The following RIMBP2 variants were observed in gnomAD, a reference collection of about 807,000 sequenced individuals.
RIMBP2 encodes RIMS-binding protein 2.
In RIMBP2, 48 loss-of-function variants were observed where a neutral mutation model predicts 118.6. That is an observed-to-expected ratio of 0.40 (90% CI 0.32 to 0.51). The LOEUF (loss-of-function observed/expected upper bound fraction) is 0.51, where lower values mean the gene tolerates loss of function less well. RIMBP2 is among the 20% of genes least tolerant of loss of function. The pLI, the probability that RIMBP2 is intolerant of heterozygous loss-of-function variation, is 0.41. For missense variants in RIMBP2, 1,551 were observed against 1,768.3 expected (o/e 0.88, Z 2.20); for synonymous variants, 762 against 742.9 (o/e 1.03, Z -0.42).
intron 21 of RIMBP2, among the ~76,000 whole-genome samples, chr12:130,403,281 A>T (rs530298110): frequency 8.5e-5 from 13 of 152,374 alleles, no homozygotes; most frequent in Non-Finnish European, 1.5e-4. Context: ...GCAAAATCAT[A>T]GTAAAACCAT....
chr12:130,592,783 G>A (rs2059350236), intron 2 of RIMBP2, among the ~76,000 whole-genome samples: 1 of 152,166 alleles, frequency 6.6e-6, no homozygotes, highest in Non-Finnish European at 1.5e-5. Context: ...GCATTTGTGA[G>A]AAGAGCGTTT....
chr12:130,462,225 C>A (rs1319143301), intron 6 of RIMBP2, among the ~76,000 whole-genome samples: 1 of 152,192 alleles, frequency 6.6e-6, no homozygotes, highest in Non-Finnish European at 1.5e-5. Flanking sequence ...TGCTCCTGGG[C>A]CTGGGGGGTT....
chr12:130,559,636 A>T (rs968710278), intron 2 of RIMBP2, among the ~76,000 whole-genome samples: 4 of 152,130 alleles, frequency 2.6e-5, no homozygotes, highest in Non-Finnish European at 4.4e-5. Flanking sequence ...CACGATTCCC[A>T]TTTGTTAAGG....
intron 14 of RIMBP2, chr12:130,432,034 C>T: frequency 3.8e-6 from 1 of 264,252 alleles, no homozygotes; most frequent in Admixed American, 5.1e-5. Context: ...CCACCTGGGG[C>T]TGTGGCTGCC....
chr12:130,544,207 C>T (rs10744465), intron 2 of RIMBP2, among the ~76,000 whole-genome samples: 144,755 of 152,232 alleles, frequency 0.95, 69,265 homozygotes, highest in Non-Finnish European at 1. Context: ...GGCCACACAC[C>T]CCACCCTCTC....
At chr12:130,501,349 C>T (rs953128066) in intron 4 of RIMBP2, among the ~76,000 whole-genome samples, 1 of 152,158 alleles carries the variant, frequency 6.6e-6, no homozygotes, top group African/African-American at 2.4e-5. Flanking sequence ...TGCACCTCCT[C>T]TCTCAATTCC....
rs1177601710 is a variant in RIMBP2 at position 130,399,069 on chromosome 12, T to C, written c.3900+610A>G. ...GTCTACCACACTGGCCCGGTTAAGG[T>C]AGCTTAAGTTGGTATCTTTATCGGT... On this transcript the variant is annotated intron_variant, in intron 22 of 22. Transcript: ENST00000690449. 33 of 1,075,934 alleles carry C rather than the reference T, an allele frequency of 3.1e-5. 1 individual carries two copies. The highest frequency in any genetic ancestry group is 2.2e-4 in the Middle Eastern group (1 of 4,558). 66.6% of individuals were successfully genotyped at this position (1,075,934 alleles called of 1,614,324 possible).
intron 2 of RIMBP2, among the ~76,000 whole-genome samples, chr12:130,550,577 C>A (rs2055663826): frequency 6.6e-6 from 1 of 152,160 alleles, no homozygotes; most frequent in Non-Finnish European, 1.5e-5. Flanking sequence ...TACTCCTGAA[C>A]AACTATGTCC....
intron 2 of RIMBP2, among the ~76,000 whole-genome samples, chr12:130,552,721 C>T (rs2055925920): frequency 1.3e-5 from 2 of 152,174 alleles, no homozygotes; most frequent in Non-Finnish European, 2.9e-5. Flanking sequence ...AGTCTTTTGT[C>T]TGCATTGATC....
chr12:130,600,009 C>A (rs2059776006), intron 2 of RIMBP2, among the ~76,000 whole-genome samples: 1 of 152,186 alleles, frequency 6.6e-6, no homozygotes, highest in Non-Finnish European at 1.5e-5. Context: ...CCGTCTGTCT[C>A]TTACCTACCT....
At chr12:130,652,175 T>C (rs191465389) in intron 1 of RIMBP2, among the ~76,000 whole-genome samples, 3 of 152,334 alleles carry the variant, frequency 2.0e-5, no homozygotes, top group African/African-American at 7.2e-5. Flanking sequence ...TATGTATTGG[T>C]ATATAGCAGG....
At chr12:130,568,783 T>C (rs2057419343) in intron 2 of RIMBP2, among the ~76,000 whole-genome samples, 1 of 152,194 alleles carries the variant, frequency 6.6e-6, no homozygotes, top group Non-Finnish European at 1.5e-5. Flanking sequence ...CACAAACTCT[T>C]TTTTTCCAGC....
At chr12:130,423,477 C>G (rs10848100) in intron 16 of RIMBP2, among the ~76,000 whole-genome samples, 4 of 151,820 alleles carry the variant, frequency 2.6e-5, no homozygotes, top group Non-Finnish European at 5.9e-5. Flanking sequence ...GCAAATGTTC[C>G]GAAAAGAGGA....
intron 2 of RIMBP2, among the ~76,000 whole-genome samples, chr12:130,556,744 A>G (rs919266228): frequency 4.0e-4 from 61 of 152,200 alleles, no homozygotes; most frequent in African/African-American, 1.2e-3. Flanking sequence ...GGCCAAGCCC[A>G]AATGGAAAGC....
At chr12:130,517,144 G>A (rs11613338) in intron 3 of RIMBP2, among the ~76,000 whole-genome samples, 7,848 of 152,166 alleles carry the variant, frequency 0.052, 268 homozygotes, top group South Asian at 0.16. Flanking sequence ...TCCATTCATG[G>A]ATTAATGGAT....
At chr12:130,471,643 T>C (rs7295973) in intron 5 of RIMBP2, 81,118 of 152,240 alleles carry the variant, frequency 0.53, 22,008 homozygotes, top group Non-Finnish European at 0.56. Context: ...GTGCCCCATC[T>C]GACCCAGCTA....
chr12:130,495,103 G>A (rs2049020264), intron 4 of RIMBP2, among the ~76,000 whole-genome samples: 1 of 152,204 alleles, frequency 6.6e-6, no homozygotes, highest in South Asian at 2.1e-4. Flanking sequence ...ACTCCAAGAT[G>A]ACCTTATATT....
intron 2 of RIMBP2, among the ~76,000 whole-genome samples, chr12:130,522,830 G>C (rs1167542967): frequency 6.6e-6 from 1 of 152,086 alleles, no homozygotes; most frequent in Non-Finnish European, 1.5e-5. Flanking sequence ...TAGCCCCCAG[G>C]GTGACTCTAT....
At chr12:130,490,724 G>A (rs1203701583) in intron 4 of RIMBP2, among the ~76,000 whole-genome samples, 2 of 152,208 alleles carry the variant, frequency 1.3e-5, no homozygotes, top group African/African-American at 4.8e-5. Context: ...CGTCTGCAGG[G>A]CACCTGTGGT....
Sources: gnomAD v4.1 joint callset for allele counts (sites outside exome capture counted in the v4.1 genomes callset) on GRCh38, gnomAD v4.1.1 for gene constraint, MANE v1.5 for transcripts, NCBI Gene and HGNC (gene_info 2026-07-23, HGNC 2026-07-21) for gene names.